The following PDE3B variants were observed in gnomAD, a reference collection of about 807,000 sequenced individuals.
The protein encoded by PDE3B is cGMP-inhibited 3',5'-cyclic phosphodiesterase 3B.
In PDE3B, 66 loss-of-function variants were observed where a neutral mutation model predicts 116.8. The ratio of observed to expected loss-of-function variants is 0.56; its 90% CI spans 0.46 to 0.69. The LOEUF is 0.69. Ranked by LOEUF, PDE3B falls within the 30% of genes least tolerant of loss-of-function variation. The probability of loss-of-function intolerance (pLI) is 0.00; values close to 1 mark genes in which losing one functional copy is unlikely to be tolerated. For missense variants in PDE3B, 1,384 were observed against 1,368.1 expected, an observed-to-expected ratio of 1.01 and a Z score of -0.18; for synonymous variants, 595 against 533.6, an observed-to-expected ratio of 1.12 and a Z score of -1.59.
At chr11:14,889,671 C>A in the PDE3B span, among the ~76,000 whole-genome samples, 1 of 152,158 alleles carries the variant, frequency 6.6e-6, no homozygotes, top group Non-Finnish European at 1.5e-5. Flanking sequence ...ACTTAGAAAA[C>A]CCCCTGCCCA....
At chr11:14,741,958 CG>C (rs1349966745) in intron 1 of PDE3B, among the ~76,000 whole-genome samples, 1 of 151,284 alleles carries the variant, frequency 6.6e-6, no homozygotes, top group Non-Finnish European at 1.5e-5. Flanking sequence ...CCGAGAGATC[CG>C]CTGTTAGTCT....
chr11:14,792,281 CTTGTT>C (rs1858413065), intron 4 of PDE3B, among the ~76,000 whole-genome samples: 1 of 152,070 alleles, frequency 6.6e-6, no homozygotes, highest in African/African-American at 2.4e-5. Context: ...AGGCATGTAA[CTTGTT>C]TAAGACTCTT....
chr11:14,880,256 T>G, the PDE3B span: 30 of 1,613,108 alleles, frequency 1.9e-5, no homozygotes, highest in Non-Finnish European at 2.5e-5. Flanking sequence ...TTGGAGAAAG[T>G]AGATGATGGG....
intron 1 of PDE3B, among the ~76,000 whole-genome samples, chr11:14,663,706 A>G (rs1854018679): frequency 1.3e-5 from 2 of 152,230 alleles, no homozygotes; most frequent in South Asian, 2.1e-4. Flanking sequence ...GATCAATTCA[A>G]CAAGAAGAGC....
intron 1 of PDE3B, among the ~76,000 whole-genome samples, chr11:14,708,135 A>G (rs1028062868): frequency 1.8e-4 from 28 of 152,028 alleles, no homozygotes; most frequent in African/African-American, 6.8e-4. Flanking sequence ...TAGATTAATG[A>G]CTTCCATTGG....
chr11:14,668,378 T>A (rs963338882), intron 1 of PDE3B, among the ~76,000 whole-genome samples: 2 of 152,288 alleles, frequency 1.3e-5, no homozygotes, highest in African/African-American at 4.8e-5. Flanking sequence ...CTTTTGAATT[T>A]ATAAATACCT....
rs950819596 is a variant in PDE3B at position 14,741,685 on chromosome 11, G to A, written c.979-30252G>A. 4.7e-4 allele frequency among the ~76,000 whole-genome samples: 72 copies of A among 152,064 alleles called. 1 individual carries two copies. The highest frequency in any genetic ancestry group is 4.6e-3 in the Admixed American group (70 of 15,268). ...GTTGATGCAGTTTCTTCATAGTGTC[G>A]ATGGTCTTTACAATTTGGTATGTTT... On this transcript the variant is annotated intron_variant, in intron 1 of 15. Coordinates refer to ENST00000282096, the MANE Select transcript of PDE3B (RefSeq NM_000922.4).
chr11:14,671,631 A>G (rs775576954), intron 1 of PDE3B, among the ~76,000 whole-genome samples: 10 of 152,150 alleles, frequency 6.6e-5, no homozygotes, highest in Admixed American at 3.9e-4. Flanking sequence ...GGAAGCAGGA[A>G]GATAGGAGGC....
chr11:14,647,263 C>G (rs904665848), intron 1 of PDE3B, among the ~76,000 whole-genome samples: 1 of 151,920 alleles, frequency 6.6e-6, no homozygotes, highest in Non-Finnish European at 1.5e-5. Flanking sequence ...TTAGATGGGA[C>G]CTGACATAGG....
At chr11:14,886,962 G>A in the PDE3B span, 1 of 152,236 alleles carries the variant, frequency 6.6e-6, no homozygotes, top group Non-Finnish European at 1.5e-5. Flanking sequence ...GGTGGGCTCT[G>A]CCAAGTGAGC....
chr11:14,661,479 G>C (rs976129368), intron 1 of PDE3B, among the ~76,000 whole-genome samples: 1 of 152,220 alleles, frequency 6.6e-6, no homozygotes, highest in African/African-American at 2.4e-5. Context: ...GCAGCGCACC[G>C]TGCACGAGCC....
At chr11:14,678,558 T>A (rs966948203) in intron 1 of PDE3B, among the ~76,000 whole-genome samples, 13 of 152,336 alleles carry the variant, frequency 8.5e-5, no homozygotes, top group South Asian at 2.1e-4. Context: ...TATTGCATCA[T>A]GATTTAAATT....
At chr11:14,681,637 G>C (rs554244050) in intron 1 of PDE3B, among the ~76,000 whole-genome samples, 141 of 152,268 alleles carry the variant, frequency 9.3e-4, no homozygotes, top group African/African-American at 3.2e-3. Flanking sequence ...ATAGGTTGAG[G>C]ACTGTCTGTA....
In PDE3B at chr11:14,780,904, T is replaced by C. The variant is rs543345069; in HGVS notation, c.1030-5533T>C. Among the ~76,000 whole-genome samples, 13 of 152,114 alleles carry C rather than the reference T, an allele frequency of 8.5e-5. No individual in the cohort carries two copies. The South Asian group carries it at 2.5e-3, about 29-fold the overall frequency. ...TGGTTTTCTGAGAAGATCAACAAAA[T>C]TGATAGACTGCTAGCAAGACTAATA... On this transcript the variant is annotated intron_variant, in intron 2 of 15. Transcript: ENST00000282096.
At position 14,867,861 on chromosome 11, in the gene PDE3B, G is replaced by GT. The variant is rs1251367624; in HGVS notation, c.3139+104dup. The GT allele has an allele frequency of 3.3e-6, 3 of 911,402 alleles. No individual in the cohort carries two copies. The African/African-American group carries it at 5.0e-5, about 15-fold the overall frequency. The allele number at this position is 911,402 out of a possible 1,614,324, so 56.5% of individuals were successfully genotyped here. On this transcript the variant is annotated intron_variant, in intron 15 of 15. Coordinates refer to ENST00000282096, the MANE Select transcript of PDE3B (RefSeq NM_000922.4). Reference sequence around the variant, plus strand: ...TGCTCCAAAATCCAAAATTTTTTGAGTGCCAGCATGGTGCTCAAAGGAAAT... The same window carrying GT: ...TGCTCCAAAATCCAAAATTTTTTGAGTTGCCAGCATGGTGCTCAAAGGAAAT...
intron 15 of PDE3B, among the ~76,000 whole-genome samples, chr11:14,868,866 C>A (rs1848094431): frequency 6.6e-6 from 1 of 151,960 alleles, no homozygotes; most frequent in South Asian, 2.1e-4. Flanking sequence ...ACTAAAAATA[C>A]AAAAATATGC....
chr11:14,878,976 C>T, the PDE3B span: 1 of 727,572 alleles, frequency 1.4e-6, no homozygotes, highest in Non-Finnish European at 2.3e-6. Flanking sequence ...TAATCATTCT[C>T]TCCTGTTAGA....
At position 14,847,698 on chromosome 11, in the gene PDE3B, T is replaced by C. The variant is rs141383864; in HGVS notation, c.2520+3672T>C. ...AGAAATACAAACTGCCATCAGAGAA[T>C]AGTACAAACAGCTCTAAGCAAATAA... On this transcript the variant is annotated intron_variant, in intron 12 of 15. Coordinates refer to ENST00000282096, the MANE Select transcript of PDE3B (RefSeq NM_000922.4). 2.5e-3 allele frequency among the ~76,000 whole-genome samples: 383 copies of C among 152,288 alleles called. 2 individuals are homozygous for C. The highest frequency in any genetic ancestry group is 0.024 in the Middle Eastern group (7 of 294).
intron 7 of PDE3B, among the ~76,000 whole-genome samples, chr11:14,824,263 A>G (rs545403348): frequency 6.6e-6 from 1 of 152,300 alleles, no homozygotes; most frequent in Non-Finnish European, 1.5e-5. Context: ...ATGACCTCCA[A>G]ACAACCACAC....
Sources: allele counts gnomAD v4.1 joint callset (sites outside exome capture counted in the v4.1 genomes callset), GRCh38; gene constraint gnomAD v4.1.1; transcripts MANE v1.5; gene names NCBI Gene and HGNC (gene_info 2026-07-23, HGNC 2026-07-21).